The following CAMKMT variants were observed in gnomAD, a reference collection of about 807,000 sequenced individuals.
CAMKMT encodes calmodulin-lysine N-methyltransferase, also known as CaM KMT.
In CAMKMT, 53 loss-of-function variants were observed where a neutral mutation model predicts 48.0. The ratio of observed to expected loss-of-function variants is 1.10; its 90% CI spans 0.89 to 1.39. CAMKMT has a LOEUF of 1.39. Among genes scored for constraint, CAMKMT ranks in the 40% most tolerant of loss-of-function variants. The pLI is 0.00. For missense variants in CAMKMT, 428 were observed against 402.7 expected (o/e 1.06, Z -0.54); for synonymous variants, 165 against 152.3 (o/e 1.08, Z -0.61).
At chr2:44,595,338 G>A (rs112507560) in intron 3 of CAMKMT, among the ~76,000 whole-genome samples, 2,605 of 152,108 alleles carry the variant, frequency 0.017, 60 homozygotes, top group African/African-American at 0.053. Context: ...ACTCCCGACC[G>A]CAGGTGATCT....
chr2:44,706,742 C>G (rs1178376890), intron 5 of CAMKMT, among the ~76,000 whole-genome samples: 1 of 151,780 alleles, frequency 6.6e-6, no homozygotes, highest in Non-Finnish European at 1.5e-5. Flanking sequence ...CAAACATGAT[C>G]CAGAGCGCTC....
chr2:44,746,706 G>T (rs1248415026), intron 8 of CAMKMT, among the ~76,000 whole-genome samples: 1 of 152,104 alleles, frequency 6.6e-6, no homozygotes, highest in African/African-American at 2.4e-5. Context: ...CAAAATATTA[G>T]AATATTTAAC....
intron 1 of CAMKMT, among the ~76,000 whole-genome samples, chr2:44,366,497 T>C (rs1678608555): frequency 6.6e-6 from 1 of 152,268 alleles, no homozygotes; most frequent in Non-Finnish European, 1.5e-5. Flanking sequence ...GTTCATCTTT[T>C]TAAGCCATCT....
At chr2:44,652,888 A>G (rs998585359) in intron 3 of CAMKMT, among the ~76,000 whole-genome samples, 1 of 152,200 alleles carries the variant, frequency 6.6e-6, no homozygotes, top group Non-Finnish European at 1.5e-5. Context: ...CCGAGCATCT[A>G]AAGTGTGGAT....
At chr2:44,695,109 G>C (rs1304176166) in intron 3 of CAMKMT, among the ~76,000 whole-genome samples, 4 of 152,186 alleles carry the variant, frequency 2.6e-5, no homozygotes, top group Admixed American at 2.6e-4. Context: ...GCACTTCATT[G>C]AGTGACGTCA....
chr2:44,375,729 T>C (rs1166109155), intron 2 of CAMKMT, among the ~76,000 whole-genome samples: 1 of 151,872 alleles, frequency 6.6e-6, no homozygotes, highest in Non-Finnish European at 1.5e-5. Flanking sequence ...TTGCAGTCTT[T>C]AGCTGGAGGA....
At chr2:44,480,028 T>A (rs1311566313) in intron 3 of CAMKMT, among the ~76,000 whole-genome samples, 3 of 152,288 alleles carry the variant, frequency 2.0e-5, no homozygotes, top group South Asian at 2.1e-4. Flanking sequence ...GAGAAGGAAG[T>A]CCTAGTTGCT....
rs529944569 is a variant in CAMKMT at position 44,466,537 on chromosome 2, A to G, written c.376+76232A>G. Among the ~76,000 whole-genome samples, 6 of 152,314 alleles carry G rather than the reference A, an allele frequency of 3.9e-5. No homozygotes were observed. The East Asian group carries it at 5.8e-4, about 15-fold the overall frequency. On this transcript the variant is annotated intron_variant, in intron 3 of 10. Transcript: ENST00000378494. ...ATGCAGCAAAAGCAGTACTCAGAGG[A>G]AAGTTTATAGTGGTAGACACATTAA...
chr2:44,645,906 G>A lies in CAMKMT; in HGVS notation c.377-58377G>A, dbSNP rs116852891. 4.6e-5 allele frequency among the ~76,000 whole-genome samples: 7 copies of A among 152,330 alleles called. No individual in the cohort carries two copies. The East Asian group carries it at 1.3e-3, about 29-fold the overall frequency. On this transcript the variant is annotated intron_variant, in intron 3 of 10. Transcript: ENST00000378494. ...TCCAAAGGGTAGGAAGACTGACAGT[G>A]TCCTACTGAAGGGCCAGAAAAAGAA...
chr2:44,576,139 T>C (rs1669204810), intron 3 of CAMKMT, among the ~76,000 whole-genome samples: 2 of 151,822 alleles, frequency 1.3e-5, no homozygotes, highest in South Asian at 2.1e-4. Context: ...CCAGCCTGGC[T>C]AACATGGTGA....
intron 3 of CAMKMT, among the ~76,000 whole-genome samples, chr2:44,537,912 A>G (rs1460946424): frequency 6.6e-6 from 1 of 152,212 alleles, no homozygotes; most frequent in Non-Finnish European, 1.5e-5. Flanking sequence ...TTAAAGAACT[A>G]AAAGTAGATC....
chr2:44,691,982 T>A (rs1676680127), intron 3 of CAMKMT, among the ~76,000 whole-genome samples: 2 of 152,190 alleles, frequency 1.3e-5, no homozygotes, highest in Admixed American at 1.3e-4. Flanking sequence ...TCATATATTG[T>A]ACAGAGTGAG....
At chr2:44,470,145 A>G (rs1668339000) in intron 3 of CAMKMT, among the ~76,000 whole-genome samples, 1 of 152,104 alleles carries the variant, frequency 6.6e-6, no homozygotes, top group African/African-American at 2.4e-5. Context: ...AAAAGTAGTT[A>G]TTCTAAATAT....
chr2:44,500,764 C>T (rs1328604866), intron 3 of CAMKMT, among the ~76,000 whole-genome samples: 1 of 151,440 alleles, frequency 6.6e-6, no homozygotes, highest in Non-Finnish European at 1.5e-5. Flanking sequence ...TCACTGTAAC[C>T]TTTGCCTCCT....
At chr2:44,652,260 G>A (rs188863425) in intron 3 of CAMKMT, among the ~76,000 whole-genome samples, 75 of 152,276 alleles carry the variant, frequency 4.9e-4, no homozygotes, top group Non-Finnish European at 9.4e-4. Context: ...TACTATTTTA[G>A]CAATCCCTTT....
chr2:44,587,539 G>A (rs888676744), intron 3 of CAMKMT, among the ~76,000 whole-genome samples: 1 of 138,452 alleles, frequency 7.2e-6, no homozygotes, highest in African/African-American at 2.7e-5. Flanking sequence ...AAAGCTGGAC[G>A]GTACTGCTGC....
chr2:44,567,382 A>G (rs1217793823), intron 3 of CAMKMT, among the ~76,000 whole-genome samples: 1 of 152,206 alleles, frequency 6.6e-6, no homozygotes, highest in Non-Finnish European at 1.5e-5. Context: ...TTTGTTGAGC[A>G]GGAATACTCA....
At chr2:44,634,793 G>A (rs1245351702) in intron 3 of CAMKMT, among the ~76,000 whole-genome samples, 1 of 24,768 alleles carries the variant, frequency 4.0e-5, no homozygotes, top group African/African-American at 1.3e-4. Context: ...CCAGGTTGAG[G>A]GCTAGCCAAA....
chr2:44,765,471 C>G (rs544032009), intron 9 of CAMKMT, among the ~76,000 whole-genome samples: 1 of 151,144 alleles, frequency 6.6e-6, no homozygotes, highest in Admixed American at 6.6e-5. Flanking sequence ...AGGCATTTCA[C>G]AGAGGTGAAG....
Sources: gnomAD v4.1 joint callset for allele counts (sites outside exome capture counted in the v4.1 genomes callset) on GRCh38, gnomAD v4.1.1 for gene constraint, MANE v1.5 for transcripts, NCBI Gene and HGNC (gene_info 2026-07-23, HGNC 2026-07-21) for gene names.